Variants in LOXHD1 observed in about 807,000 individuals in gnomAD.
LOXHD1 encodes lipoxygenase homology domain-containing protein 1.
A neutral mutation model predicts 248.2 loss-of-function variants in LOXHD1; 205 were observed. That is an observed-to-expected ratio of 0.83 (90% CI 0.74 to 0.93). The LOEUF (loss-of-function observed/expected upper bound fraction) is 0.93, where lower values mean the gene tolerates loss of function less well. Among genes scored for constraint, LOXHD1 ranks in the 40% least tolerant of loss-of-function variants. LOXHD1 has a pLI of 0.00. For synonymous variants in LOXHD1, 1,113 were observed against 1,162.8 expected (o/e 0.96, Z 0.87); for missense variants, 2,930 against 2,971.6 (o/e 0.99, Z 0.33).
chr18:46,525,019 C>A, intron 29 of LOXHD1, 102 bp from the exon 30 acceptor site: 1 of 1,306,452 alleles, frequency 7.7e-7, no homozygotes, highest in Non-Finnish European at 1.1e-6. Flanking sequence ...AGTTGCTGCA[C>A]TGAACAGACC....
intron 12 of LOXHD1, among the ~76,000 whole-genome samples, chr18:46,580,164 G>A (rs1210467233): frequency 5.9e-5 from 9 of 152,212 alleles, no homozygotes; most frequent in Admixed American, 5.9e-4. Flanking sequence ...TCTACTAAAC[G>A]TGAATTGCTT....
At chr18:46,639,889 G>A in intron 3 of LOXHD1, 89 bp from the exon 4 acceptor site, 1 of 1,443,366 alleles carries the variant, frequency 6.9e-7, no homozygotes, top group East Asian at 2.5e-5. Flanking sequence ...TTACTCCAAA[G>A]AGAGGTCCAA....
At position 46,543,674 on chromosome 18, in the gene LOXHD1, A is replaced by G. The variant is rs2036668807; in HGVS notation, c.3620-819T>C. ...GCACTTTTTTGGTGTGTGTTCTTTC[A>G]CTGAGTTTTACAATAACCCTTTAGG... On this transcript the variant is annotated intron_variant, in intron 23 of 40. Coordinates refer to ENST00000642948, the MANE Select transcript of LOXHD1 (RefSeq NM_001384474.1). Among the ~76,000 whole-genome samples the G allele has an allele frequency of 2.0e-5, 3 of 151,672 alleles. No individual in the cohort carries two copies. In the South Asian group the frequency reaches 6.2e-4, roughly 31 times the overall value.
chr18:46,537,967 G>T (rs747840101), intron 26 of LOXHD1, among the ~76,000 whole-genome samples, 189 bp downstream of exon 26: 2 of 152,198 alleles, frequency 1.3e-5, no homozygotes, highest in African/African-American at 4.8e-5. Context: ...GGAGGAGCAG[G>T]GTGAGCTTCA....
At chr18:46,560,046 A>ACCCCCCCCCCCCCCCCCCCC in intron 19 of LOXHD1, 37 bp downstream of exon 19, 11 of 690,954 alleles carry the variant, frequency 1.6e-5, no homozygotes, top group South Asian at 6.8e-5. Flanking sequence ...CTGTCTGGCC[A>ACCCCCCCCCCCCCCCCCCCC]CTCCCTCCCC....
At chr18:46,516,082 T>C (rs1397396511) in intron 34 of LOXHD1, among the ~76,000 whole-genome samples, 2 of 152,210 alleles carry the variant, frequency 1.3e-5, no homozygotes, top group Non-Finnish European at 2.9e-5. Flanking sequence ...GAGTCTCTTG[T>C]TGTAGCAAGC....
intron 29 of LOXHD1, among the ~76,000 whole-genome samples, chr18:46,527,583 TGA>T (rs2144202175): frequency 6.6e-6 from 1 of 152,360 alleles, no homozygotes; most frequent in South Asian, 2.1e-4. Flanking sequence ...TGAGCTCAGG[TGA>T]CCTGCCCCTA....
At position 46,507,608 on chromosome 18, in the gene LOXHD1, G is replaced by A. The variant is rs886575745; in HGVS notation, c.5622C>T (p.Ala1874=). 1.3e-5 allele frequency: 20 copies of A among 1,551,584 alleles called. No homozygotes were observed. The highest frequency in any genetic ancestry group is 3.6e-5 in the South Asian group (3 of 84,060). The change falls in exon 36 of 41, where the codon GCC becomes GCT. Residue 1874 remains alanine, a synonymous_variant. Transcript: ENST00000642948. ...CCATCATTTCTTCCTCATCGATAAC[G>A]GCACACATTTCACACACCAGGGTCT... ...GKKTLVCEMC[A]VIDEEEMMEW...
intron 33 of LOXHD1, chr18:46,519,232 G>A (rs909780477): frequency 2.9e-6 from 1 of 341,136 alleles, no homozygotes; most frequent in South Asian, 1.2e-4. Flanking sequence ...GGTTGGGGAA[G>A]GGCCATCTTG....
chr18:46,502,596 T>A (rs373348432), intron 37 of LOXHD1, among the ~76,000 whole-genome samples: 6 of 152,146 alleles, frequency 3.9e-5, no homozygotes, highest in East Asian at 3.9e-4. Context: ...AGTCCAGAGT[T>A]GAGAGAAGCC....
At chr18:46,506,914 C>T (rs1011737798) in intron 36 of LOXHD1, among the ~76,000 whole-genome samples, 4 of 152,144 alleles carry the variant, frequency 2.6e-5, no homozygotes, top group Admixed American at 6.5e-5. Context: ...GGAGGTACTG[C>T]CCCCATGCCT....
intron 4 of LOXHD1, among the ~76,000 whole-genome samples, chr18:46,626,375 T>TA (rs2038742570): frequency 6.6e-6 from 1 of 152,042 alleles, no homozygotes; most frequent in South Asian, 2.1e-4. Context: ...CTGTCTCTAA[T>TA]AAAAAACACA....
At chr18:46,536,256 CA>C (rs1452682041) in intron 26 of LOXHD1, among the ~76,000 whole-genome samples, 3 of 152,118 alleles carry the variant, frequency 2.0e-5, no homozygotes, top group African/African-American at 7.2e-5. Flanking sequence ...TTTTCCTGGT[CA>C]ACATCTTTTC....
chr18:46,594,386 C>G lies in LOXHD1; in HGVS notation c.1215G>C (p.Gly405=). 2 of 1,551,684 alleles carry G rather than the reference C, an allele frequency of 1.3e-6. No individual in the cohort carries two copies. Among genetic ancestry groups the G allele is most frequent in the Non-Finnish European group, 1.7e-6 (2 of 1,147,008 alleles). ...TCTCATAGAGCTGCCTCTCAATCAA[C>G]CCATCCGCTTTCTTCTCATCCAGCC... ...SNWLDEKKAD[G]LIERQLYEMV... The change falls in exon 9 of 41, where the codon GGG becomes GGC. Residue 405 remains glycine, a synonymous_variant. Transcript: ENST00000642948.
At chr18:46,555,614 T>A (rs2037294666) in intron 21 of LOXHD1, among the ~76,000 whole-genome samples, 1 of 152,160 alleles carries the variant, frequency 6.6e-6, no homozygotes, top group South Asian at 2.1e-4. Flanking sequence ...CATTACATTC[T>A]AGGCACTGGC....
rs1167018824 is a variant in LOXHD1, at chr18:46,579,616, T to C, written c.1809+14A>G. On this transcript the variant is annotated intron_variant, in intron 13 of 40. Transcript: ENST00000642948. ...GGAGGAAGGGGATGAGTGGGGCACA[T>C]TGCTGTAACTTACATTGCCCTTTTC... 11 of 1,551,562 alleles carry C rather than the reference T, an allele frequency of 7.1e-6. No individual in the cohort carries two copies. The Admixed American group carries it at 2.2e-4, about 30-fold the overall frequency.
At chr18:46,641,615 C>A (rs1807127344) in intron 3 of LOXHD1, among the ~76,000 whole-genome samples, 2 of 152,158 alleles carry the variant, frequency 1.3e-5, no homozygotes, top group Admixed American at 6.5e-5. Context: ...GGAGAGATAA[C>A]CTGTCCAAAG....
At chr18:46,590,819 C>T (rs1461589474) in intron 12 of LOXHD1, among the ~76,000 whole-genome samples, 2 of 152,132 alleles carry the variant, frequency 1.3e-5, no homozygotes, top group Non-Finnish European at 2.9e-5. Flanking sequence ...GTCCTCAGCT[C>T]CTTATCTGCA....
rs922733848 is a variant in LOXHD1 at position 46,641,981 on chromosome 18, T to C, written c.301A>G (p.Asn101Asp). ...CTGACTTTATAGATGAGGCCCACAT[T>C]GTTGGTTCTCACCCGGAACACATCG... ...NVDVFRVRTN[N>D]VGLIYKVRIE... Residue 101 changes from asparagine to aspartate, a missense_variant, in exon 3 of 41, where the codon AAT becomes GAT. Physicochemically the swap from Asn to Asp is conservative, Grantham distance 23. Coordinates refer to ENST00000642948, the MANE Select transcript of LOXHD1 (RefSeq NM_001384474.1). The C allele has an allele frequency of 2.6e-6, 4 of 1,552,178 alleles. No homozygotes were observed. The highest frequency in any genetic ancestry group is 2.7e-5 in the African/African-American group (2 of 73,058).
Sources: gnomAD v4.1 joint callset for allele counts (sites outside exome capture counted in the v4.1 genomes callset) on GRCh38, gnomAD v4.1.1 for gene constraint, MANE v1.5 for transcripts, NCBI Gene and HGNC (gene_info 2026-07-23, HGNC 2026-07-21) for gene names.